Variants in CD82 observed in about 807,000 individuals in gnomAD.
The protein encoded by CD82 is CD82 molecule.
In CD82, 36 loss-of-function variants were observed where a neutral mutation model predicts 37.4. That is an observed-to-expected ratio of 0.96 (90% CI 0.74 to 1.27). CD82 has a LOEUF of 1.27. Among genes scored for constraint, CD82 ranks in the 50% most tolerant of loss-of-function variants. The pLI is 0.00. For synonymous variants in CD82, 158 were observed against 137.4 expected, an observed-to-expected ratio of 1.15 and a Z score of -1.05; for missense variants, 340 against 347.0, an observed-to-expected ratio of 0.98 and a Z score of 0.16.
chr11:44,618,395 G>A, intron 8 of CD82, 30 bp downstream of exon 8: 2 of 1,591,878 alleles, frequency 1.3e-6, no homozygotes, highest in Non-Finnish European at 8.6e-7. Context: ...TCGGGGGCGG[G>A]GCTCCGAGGG....
chr11:44,615,015 C>T (rs573689900), intron 6 of CD82, among the ~76,000 whole-genome samples: 3 of 152,252 alleles, frequency 2.0e-5, no homozygotes, highest in South Asian at 2.1e-4. Flanking sequence ...GAGGCCCCTA[C>T]GGGGTTTTCA....
At position 44,619,132 on chromosome 11, in the gene CD82, C is replaced by G. The variant is rs747327385; in HGVS notation, c.*6C>G. The G allele has an allele frequency of 1.9e-6, 3 of 1,611,126 alleles. No homozygotes were observed. The Admixed American group carries it at 5.0e-5, about 27-fold the overall frequency. ...GCAAGGTCCCCAAGTACTGAGGCAG[C>G]TGCTATCCCCATCTCCCTGCCTGGC... On this transcript the variant is annotated 3_prime_UTR_variant, in exon 10 of 10. Coordinates refer to ENST00000227155, the MANE Select transcript of CD82 (RefSeq NM_002231.4).
intron 2 of CD82, among the ~76,000 whole-genome samples, chr11:44,592,606 G>A (rs193279084): frequency 5.4e-4 from 82 of 152,328 alleles, no homozygotes; most frequent in Non-Finnish European, 9.3e-4. Context: ...GTGAGAGAGA[G>A]GAAAAACAAT....
At chr11:44,596,896 T>G in intron 3 of CD82, 1 of 456,032 alleles carries the variant, frequency 2.2e-6, no homozygotes, top group South Asian at 1.5e-5. Flanking sequence ...GCATGAAAAA[T>G]TGCAGTTGTT....
chr11:44,600,060 C>T, intron 3 of CD82, 98 bp from the exon 4 acceptor site: 2 of 1,230,060 alleles, frequency 1.6e-6, no homozygotes, highest in Non-Finnish European at 1.2e-6. Context: ...CTCTGTGGCC[C>T]CCTGCCCTGC....
intron 1 of CD82, among the ~76,000 whole-genome samples, chr11:44,569,107 C>G (rs1390895168): frequency 6.6e-6 from 1 of 152,208 alleles, no homozygotes; most frequent in African/African-American, 2.4e-5. Context: ...GGACAGGACC[C>G]GTTTAATCTC....
chr11:44,566,467 G>A (rs376981937), intron 1 of CD82: 1 of 152,308 alleles, frequency 6.6e-6, no homozygotes, highest in South Asian at 2.1e-4. Context: ...AAGCATACCC[G>A]GGGTTAATTT....
intron 1 of CD82, among the ~76,000 whole-genome samples, chr11:44,566,816 GGGGTT>G (rs1263926446): frequency 6.6e-6 from 1 of 151,912 alleles, no homozygotes; most frequent in Non-Finnish European, 1.5e-5. Flanking sequence ...TTGGAGAGAT[GGGGTT>G]GGCTACAGCC....
At chr11:44,608,326 C>A (rs111745105) in intron 6 of CD82, among the ~76,000 whole-genome samples, 243 of 152,254 alleles carry the variant, frequency 1.6e-3, no homozygotes, top group African/African-American at 5.7e-3. Context: ...GCCTCTGTCA[C>A]CCGCAGCCAC....
At chr11:44,576,137 G>A (rs947369200) in intron 1 of CD82, among the ~76,000 whole-genome samples, 9 of 152,216 alleles carry the variant, frequency 5.9e-5, no homozygotes, top group African/African-American at 2.2e-4. Context: ...GTGTTCTCCA[G>A]CAGTTTATGT....
intron 2 of CD82, among the ~76,000 whole-genome samples, chr11:44,592,616 T>C (rs1399634377): frequency 2.0e-5 from 3 of 152,166 alleles, no homozygotes; most frequent in Non-Finnish European, 4.4e-5. Context: ...GGAAAAACAA[T>C]AGCTATCCTT....
intron 6 of CD82, among the ~76,000 whole-genome samples, chr11:44,608,864 C>T (rs760502985): frequency 6.6e-6 from 1 of 152,260 alleles, no homozygotes; most frequent in Non-Finnish European, 1.5e-5. Context: ...CGAGCCGGAG[C>T]CCCCAGGGGC....
Position 44,619,635 on chromosome 11 carries a change from G to GTT in CD82, c.*509_*510insTT, listed in dbSNP as rs1853630750. Reference sequence around the variant, plus strand: ...AAAAATTTAGCCGGGCGCGGTGGCGGGCACCTGTAGTCCCAGCTACTTGGG... The same window carrying GTT: ...AAAAATTTAGCCGGGCGCGGTGGCGGTTGCACCTGTAGTCCCAGCTACTTGGG... On this transcript the variant is annotated 3_prime_UTR_variant, in exon 10 of 10. Coordinates refer to ENST00000227155, the MANE Select transcript of CD82 (RefSeq NM_002231.4). The GTT allele has an allele frequency of 1.3e-5, 2 of 153,242 alleles. No individual in the cohort carries two copies. The highest frequency in any genetic ancestry group is 2.9e-5 in the Non-Finnish European group (2 of 68,846). 9.5% of individuals were successfully genotyped at this position (153,242 alleles called of 1,614,324 possible).
chr11:44,594,806 C>A, intron 3 of CD82, 81 bp downstream of exon 3: 1 of 1,184,026 alleles, frequency 8.4e-7, no homozygotes, highest in Non-Finnish European at 1.3e-6. Flanking sequence ...CTTTCCAGAG[C>A]CGACCGGGCC....
rs1421510474 is a variant in CD82, at chr11:44,619,741, G to A, written c.*615G>A. On this transcript the variant is annotated 3_prime_UTR_variant, in exon 10 of 10. Coordinates refer to ENST00000227155, the MANE Select transcript of CD82 (RefSeq NM_002231.4). Reference sequence around the variant, plus strand: ...ATCGTGCTACTGCACTCCAGCCTGGGGGACAGAAAGAGACTCCGTCTCAAA... The same window carrying A: ...ATCGTGCTACTGCACTCCAGCCTGGAGGACAGAAAGAGACTCCGTCTCAAA... 1 of 146,344 alleles carries A rather than the reference G, an allele frequency of 6.8e-6. No homozygotes were observed. The highest frequency in any genetic ancestry group is 1.5e-5 in the Non-Finnish European group (1 of 66,842). 9.1% of individuals were successfully genotyped at this position (146,344 alleles called of 1,614,324 possible). A position where few individuals can be genotyped will look rare whatever the true frequency, so the allele number is the denominator to read the frequency against.
At chr11:44,592,620 T>C (rs951849815) in intron 2 of CD82, among the ~76,000 whole-genome samples, 2 of 152,206 alleles carry the variant, frequency 1.3e-5, no homozygotes, top group African/African-American at 4.8e-5. Flanking sequence ...AAACAATAGC[T>C]ATCCTTGATG....
chr11:44,601,153 G>A (rs1026326900), intron 4 of CD82, among the ~76,000 whole-genome samples: 4 of 152,130 alleles, frequency 2.6e-5, no homozygotes, highest in Non-Finnish European at 4.4e-5. Flanking sequence ...CACTCCCCTC[G>A]CTGAGTTTGG....
chr11:44,618,045 G>T, intron 7 of CD82, 117 bp from the exon 8 acceptor site: 1 of 795,468 alleles, frequency 1.3e-6, no homozygotes. Context: ...GCTGGGACCA[G>T]GGGCCTGGAA....
chr11:44,605,126 A>G lies in CD82; in HGVS notation c.205A>G (p.Met69Val). ...CGGCGTGGGGGCAGTCACTATGCTC[A>G]TGGGCTTCCTGGGCTGCATCGGCGC... Reference protein sequence around the residue: ...FIGVGAVTMLMGFLGCIGAVN... With the variant: ...FIGVGAVTMLVGFLGCIGAVN... Residue 69 changes from methionine (M) to valine (V), a missense_variant, in exon 5 of 10, where the codon ATG (methionine) becomes GTG (valine). By Grantham distance (21) the Met-to-Val change is conservative. Transcript: ENST00000227155. 6.2e-7 allele frequency: 1 copy of G among 1,614,178 alleles called. No individual in the cohort carries two copies.
Sources: allele counts gnomAD v4.1 joint callset (sites outside exome capture counted in the v4.1 genomes callset), GRCh38; gene constraint gnomAD v4.1.1; transcripts MANE v1.5; gene names NCBI Gene and HGNC (gene_info 2026-07-23, HGNC 2026-07-21).